Variants in ZFPM2 observed in about 807,000 individuals in gnomAD.
ZFPM2 encodes the protein zinc finger protein ZFPM2.
ZFPM2 carries 20 observed loss-of-function variants against 98.6 expected under a neutral mutation model. That is an observed-to-expected ratio of 0.20 (90% CI 0.14 to 0.29). The LOEUF (loss-of-function observed/expected upper bound fraction) is 0.29. ZFPM2 is among the 10% of genes least tolerant of loss of function. ZFPM2 has a pLI of 1.00. For missense variants in ZFPM2, 1,310 were observed against 1,388.6 expected (o/e 0.94, Z 0.90); for synonymous variants, 518 against 502.7 (o/e 1.03, Z -0.41).
Position 105,629,559 on chromosome 8 carries a change from C to CTGT in ZFPM2, c.421-4686_421-4684dup, listed in dbSNP as rs544127619. 8.5e-5 allele frequency among the ~76,000 whole-genome samples: 13 copies of CTGT among 152,274 alleles called. No homozygotes were observed. The East Asian group carries it at 2.5e-3, about 29-fold the overall frequency. The stretch of plus-strand genomic sequence containing the variant: ...CAACAGAAATTTATTATCTCATATC[C>CTGT]TGTAGATCAGAAATATGAGTACAGA... On this transcript the variant is annotated intron_variant, in intron 4 of 7. Coordinates refer to ENST00000407775, the MANE Select transcript of ZFPM2 (RefSeq NM_012082.4).
intron 1 of ZFPM2, among the ~76,000 whole-genome samples, chr8:105,417,500 GA>G (rs201176063): frequency 3.5e-3 from 523 of 151,308 alleles, no homozygotes; most frequent in African/African-American, 0.011. Flanking sequence ...TACATTTGTT[GA>G]AAAAAAATAA....
At position 105,518,587 on chromosome 8, in the gene ZFPM2, A is replaced by G. The variant is rs113066108; in HGVS notation, c.302-42776A>G. On this transcript the variant is annotated intron_variant, in intron 3 of 7. Transcript: ENST00000407775. Reference sequence around the variant, plus strand: ...GATTCCTTTGTGTTATTACAGCCACATAACTGCTATAAGCAGAGAAGAAAA... The same window carrying G: ...GATTCCTTTGTGTTATTACAGCCACGTAACTGCTATAAGCAGAGAAGAAAA... Among the ~76,000 whole-genome samples the G allele has an allele frequency of 8.9e-3, 1,350 of 152,344 alleles. 9 individuals are homozygous for G. Among genetic ancestry groups the G allele is most frequent in the Middle Eastern group, 0.034 (10 of 294 alleles).
At chr8:105,342,548 T>C (rs976619007) in intron 1 of ZFPM2, among the ~76,000 whole-genome samples, 8 of 151,996 alleles carry the variant, frequency 5.3e-5, no homozygotes, top group African/African-American at 1.7e-4. Context: ...TGGATTTGCC[T>C]ATTTATCTAA....
chr8:105,349,606 T>C (rs1812604852), intron 1 of ZFPM2, among the ~76,000 whole-genome samples: 2 of 152,186 alleles, frequency 1.3e-5, no homozygotes, highest in South Asian at 4.1e-4. Context: ...ATTTAAGACC[T>C]TCTAGAAACT....
chr8:105,493,604 C>G (rs1813398757), intron 3 of ZFPM2, among the ~76,000 whole-genome samples: 1 of 152,178 alleles, frequency 6.6e-6, no homozygotes, highest in African/African-American at 2.4e-5. Flanking sequence ...GATTCTCCCA[C>G]CTTGGTCTCA....
intron 5 of ZFPM2, among the ~76,000 whole-genome samples, chr8:105,763,405 T>C (rs1397554366): frequency 6.6e-6 from 1 of 151,766 alleles, no homozygotes; most frequent in African/African-American, 2.4e-5. Context: ...ACGAAATGTG[T>C]TTTCTAGGGC....
intron 3 of ZFPM2, among the ~76,000 whole-genome samples, chr8:105,548,804 C>T (rs953483706): frequency 6.6e-6 from 1 of 151,908 alleles, no homozygotes; most frequent in East Asian, 1.9e-4. Context: ...TATATTAGGT[C>T]GTAATTATCT....
At chr8:105,738,112 A>G (rs530417517) in intron 5 of ZFPM2, among the ~76,000 whole-genome samples, 1 of 151,996 alleles carries the variant, frequency 6.6e-6, no homozygotes, top group African/African-American at 2.4e-5. Flanking sequence ...AGATTATTTC[A>G]TCACCCAGGT....
Position 105,407,932 on chromosome 8 carries a change from C to T in ZFPM2, c.41-11212C>T, listed in dbSNP as rs191400054. On this transcript the variant is annotated intron_variant, in intron 1 of 7. Transcript: ENST00000407775. ...TAGGTATGTGTCTCAGGGAGGCTGG[C>T]GCAGAGTTTATGATACAAGTATTGG... Among the ~76,000 whole-genome samples the T allele has an allele frequency of 1.5e-3, 223 of 151,900 alleles. 2 individuals are homozygous for T. The highest frequency in any genetic ancestry group is 9.8e-3 in the Admixed American group (149 of 15,194).
At chr8:105,487,228 G>A (rs771978666) in intron 3 of ZFPM2, among the ~76,000 whole-genome samples, 8 of 151,934 alleles carry the variant, frequency 5.3e-5, no homozygotes, top group Non-Finnish European at 1.0e-4. Flanking sequence ...TCCTCCCACC[G>A]CAGCCTCCTT....
chr8:105,438,667 A>G (rs972187253), intron 2 of ZFPM2, among the ~76,000 whole-genome samples: 1 of 152,244 alleles, frequency 6.6e-6, no homozygotes, highest in African/African-American at 2.4e-5. Context: ...TATGGAATGA[A>G]TAAGGGAGAA....
intron 5 of ZFPM2, among the ~76,000 whole-genome samples, chr8:105,710,870 G>A (rs1367592596): frequency 5.3e-5 from 8 of 151,936 alleles, no homozygotes; most frequent in Admixed American, 4.6e-4. Flanking sequence ...TAACTTATTC[G>A]TAAGGTCATT....
intron 1 of ZFPM2, among the ~76,000 whole-genome samples, chr8:105,386,767 C>T (rs891709489): frequency 1.3e-5 from 2 of 152,120 alleles, no homozygotes; most frequent in Non-Finnish European, 2.9e-5. Flanking sequence ...GTCCATTTTA[C>T]AGAGAGCTGA....
intron 6 of ZFPM2, among the ~76,000 whole-genome samples, chr8:105,796,541 A>ACT (rs1200137291): frequency 6.6e-6 from 1 of 151,766 alleles, no homozygotes; most frequent in Non-Finnish European, 1.5e-5. Context: ...TTAATTTGAA[A>ACT]CTCTATTATT....
At chr8:105,764,453 CT>C (rs1243147923) in intron 5 of ZFPM2, among the ~76,000 whole-genome samples, 103 of 151,674 alleles carry the variant, frequency 6.8e-4, no homozygotes, top group Non-Finnish European at 1.8e-4. Context: ...TAGATATTTT[CT>C]ATTATCCTTA....
rs576358290 is a variant in ZFPM2 at position 105,607,096 on chromosome 8, C to A, written c.421-27150C>A. On this transcript the variant is annotated intron_variant, in intron 4 of 7. Transcript: ENST00000407775. ...GATTTCTACATAGGTCCCCTCAGAT[C>A]TTCTCAAATTATTTGATCCTCTCTC... Among the ~76,000 whole-genome samples the A allele has an allele frequency of 7.2e-5, 11 of 152,252 alleles. No homozygotes were observed. The East Asian group carries it at 1.4e-3, about 19-fold the overall frequency.
At chr8:105,480,742 G>A (rs1360508735) in intron 3 of ZFPM2, among the ~76,000 whole-genome samples, 4 of 151,582 alleles carry the variant, frequency 2.6e-5, no homozygotes, top group Admixed American at 2.6e-4. Flanking sequence ...TGATGGCACT[G>A]TGGGATTACA....
At chr8:105,497,512 A>G (rs1156321057) in intron 3 of ZFPM2, among the ~76,000 whole-genome samples, 1 of 152,206 alleles carries the variant, frequency 6.6e-6, no homozygotes, top group Non-Finnish European at 1.5e-5. Context: ...GGTATAATTT[A>G]TTGATTTAGA....
intron 4 of ZFPM2, among the ~76,000 whole-genome samples, chr8:105,609,714 TC>T (rs1381296714): frequency 6.6e-6 from 1 of 152,194 alleles, no homozygotes; most frequent in Non-Finnish European, 1.5e-5. Flanking sequence ...GAAATATTAT[TC>T]TTCCTAGCAA....
Sources: gnomAD v4.1 joint callset for allele counts (sites outside exome capture counted in the v4.1 genomes callset) on GRCh38, gnomAD v4.1.1 for gene constraint, MANE v1.5 for transcripts, NCBI Gene and HGNC (gene_info 2026-07-23, HGNC 2026-07-21) for gene names.